The following NEK10 variants were observed in gnomAD, a reference collection of about 807,000 sequenced individuals.
NEK10 encodes the protein NIMA related kinase 10.
A neutral mutation model predicts 159.8 loss-of-function variants in NEK10; 122 were observed. The ratio of observed to expected loss-of-function variants is 0.76; its 90% CI spans 0.66 to 0.89. The LOEUF is 0.89. Ranked by LOEUF, NEK10 falls within the 40% of genes least tolerant of loss-of-function variation. NEK10 has a pLI of 0.00. For missense variants in NEK10, 1,342 were observed against 1,323.1 expected (o/e 1.01, Z -0.22); for synonymous variants, 466 against 457.1 (o/e 1.02, Z -0.25).
At chr3:27,354,721 C>T (rs2048210251) in intron 1 of NEK10, among the ~76,000 whole-genome samples, 1 of 152,206 alleles carries the variant, frequency 6.6e-6, no homozygotes, top group Non-Finnish European at 1.5e-5. Context: ...ATTAAGAAAG[C>T]ATTCCCAACA....
At chr3:27,352,126 A>G (rs1158182382) in intron 3 of NEK10, among the ~76,000 whole-genome samples, 1 of 152,152 alleles carries the variant, frequency 6.6e-6, no homozygotes, top group Non-Finnish European at 1.5e-5. Flanking sequence ...GTGCTTTGAA[A>G]ATAACAATTT....
At chr3:27,185,366 TA>T (rs201081752) in intron 26 of NEK10, among the ~76,000 whole-genome samples, 1,828 of 152,348 alleles carry the variant, frequency 0.012, 10 homozygotes, top group South Asian at 0.023. Context: ...CAAGATCAGA[TA>T]TTTTTTTTGG....
At chr3:27,316,985 G>A (rs753966247) in intron 6 of NEK10, among the ~76,000 whole-genome samples, 9 of 152,112 alleles carry the variant, frequency 5.9e-5, no homozygotes, top group Middle Eastern at 3.2e-3. Flanking sequence ...AGCACACTTC[G>A]TTTCCCAGGA....
At position 27,215,709 on chromosome 3, in the gene NEK10, G is replaced by A. The variant is rs1309971260; in HGVS notation, c.2091-13152C>T. Reference sequence around the variant, plus strand: ...TACCTGAGACTAGGTAATTTAGAAAGAAGAGAGGTTTAATTGGCTCACGGT... The same window carrying A: ...TACCTGAGACTAGGTAATTTAGAAAAAAGAGAGGTTTAATTGGCTCACGGT... On this transcript the variant is annotated intron_variant, in intron 23 of 35. Transcript: ENST00000691995. 7.2e-6 allele frequency: 5 copies of A among 689,728 alleles called. No homozygotes were observed. In the Admixed American group the frequency reaches 1.0e-4, roughly 14 times the overall value. The allele number at this position is 689,728 out of a possible 1,614,324, so 42.7% of individuals were successfully genotyped here. A position where few individuals can be genotyped will look rare whatever the true frequency, so the allele number is the denominator to read the frequency against.
chr3:27,226,500 T>A (rs1307943194), intron 23 of NEK10, among the ~76,000 whole-genome samples: 1 of 152,224 alleles, frequency 6.6e-6, no homozygotes, highest in Non-Finnish European at 1.5e-5. Flanking sequence ...TAACGGCTGC[T>A]GCAGAGGTCA....
chr3:27,365,103 C>T lies in NEK10; in HGVS notation c.-38+4122G>A, dbSNP rs146678712. 2.3e-3 allele frequency among the ~76,000 whole-genome samples: 354 copies of T among 152,250 alleles called. 4 individuals are homozygous for T. Among genetic ancestry groups the T allele is most frequent in the African/African-American group, 8.1e-3 (336 of 41,546 alleles). On this transcript the variant is annotated intron_variant, in intron 1 of 35. Transcript: ENST00000691995. Reference sequence around the variant, plus strand: ...TGGCATTTATCCAGCTCTCTATTCACCTAAGTGAATTTTCTAGATAAATAT... The same window carrying T: ...TGGCATTTATCCAGCTCTCTATTCATCTAAGTGAATTTTCTAGATAAATAT...
chr3:27,107,616 A>T lies in NEK10; in HGVS notation c.*3656T>A, dbSNP rs1408630697. ...ATGAAGAATTTTATATTTGGACAAA[A>T]TTTCACCCAAGGAGTCAATGTCAAT... is the stretch of plus-strand genomic sequence containing the variant. On this transcript the variant is annotated 3_prime_UTR_variant, in exon 36 of 36. Transcript: ENST00000691995. Among the ~76,000 whole-genome samples the T allele has an allele frequency of 6.6e-6, 1 of 152,126 alleles. No homozygotes were observed. Among genetic ancestry groups the T allele is most frequent in the African/African-American group, 2.4e-5 (1 of 41,422 alleles).
chr3:27,299,124 T>C (rs1211795978), intron 13 of NEK10, among the ~76,000 whole-genome samples: 1 of 152,196 alleles, frequency 6.6e-6, no homozygotes, highest in Non-Finnish European at 1.5e-5. Flanking sequence ...TCAGAGACCT[T>C]TGTGGCAGTC....
At chr3:27,145,403 TAA>T (rs1944203971) in intron 30 of NEK10, among the ~76,000 whole-genome samples, 1 of 152,210 alleles carries the variant, frequency 6.6e-6, no homozygotes, top group Non-Finnish European at 1.5e-5. Flanking sequence ...ATTAAAATAG[TAA>T]ATTTGGCTAG....
At position 27,301,831 on chromosome 3, in the gene NEK10, T is replaced by C; in HGVS notation, c.1033A>G (p.Arg345Gly). 2 of 1,551,428 alleles carry C rather than the reference T, an allele frequency of 1.3e-6. No individual in the cohort carries two copies. Among genetic ancestry groups the C allele is most frequent in the Non-Finnish European group, 1.7e-6 (2 of 1,146,620 alleles). ...KQLLHILQGD[R>G]NFVSDHSSIG... ...GAGGAGTGATCAGAAACAAAATTTCTGTCTCTGAAAAAGAAAAGTTAATGC... is the reference window on the plus strand; with the variant it reads ...GAGGAGTGATCAGAAACAAAATTTCCGTCTCTGAAAAAGAAAAGTTAATGC... Residue 345 changes from arginine (R) to glycine (G), a missense_variant, in exon 13 of 36, where the codon AGA (arginine) becomes GGA (glycine). Coordinates refer to ENST00000691995, the MANE Select transcript of NEK10 (RefSeq NM_001394966.1).
intron 23 of NEK10, among the ~76,000 whole-genome samples, chr3:27,235,278 A>G (rs1002133462): frequency 2.0e-5 from 3 of 152,202 alleles, no homozygotes; most frequent in Non-Finnish European, 2.9e-5. Flanking sequence ...ATCTAATTAA[A>G]CTAAAGAGCT....
chr3:27,109,908 T>C lies in NEK10; in HGVS notation c.*1364A>G, dbSNP rs1431097686. On this transcript the variant is annotated 3_prime_UTR_variant, in exon 36 of 36. Coordinates refer to ENST00000691995, the MANE Select transcript of NEK10 (RefSeq NM_001394966.1). ...AATCTTCAAAAGCATTAGTGCATGA[T>C]TAAAGGGAATTTGGATATAATTTAA... Among the ~76,000 whole-genome samples the C allele has an allele frequency of 2.0e-5, 3 of 152,170 alleles. No individual in the cohort carries two copies. The highest frequency in any genetic ancestry group is 6.5e-5 in the Admixed American group (1 of 15,270).
At chr3:27,255,613 A>C (rs1447798691) in intron 23 of NEK10, among the ~76,000 whole-genome samples, 1 of 152,188 alleles carries the variant, frequency 6.6e-6, no homozygotes, top group Admixed American at 6.5e-5. Flanking sequence ...TAATTTCAGC[A>C]GATTCAGACA....
At position 27,290,736 on chromosome 3, in the gene NEK10, G is replaced by C. The variant is rs1306049525; in HGVS notation, c.1624C>G (p.Gln542Glu). ...CVYKVRKHSGQNLLAMKEVNL... is the reference protein window; with the variant it reads ...CVYKVRKHSGENLLAMKEVNL... ...ACCTCTTTCATTGCTAAAAGATTTTGACCACTATGCTTTCTAACCTAAAAT... is the reference window on the plus strand; with the variant it reads ...ACCTCTTTCATTGCTAAAAGATTTTCACCACTATGCTTTCTAACCTAAAAT... Residue 542 changes from glutamine (Q) to glutamate (E), a missense_variant, in exon 19 of 36, where the codon CAA (glutamine) becomes GAA (glutamate). Gln to Glu is a conservative substitution (Grantham distance 29). Coordinates refer to ENST00000691995, the MANE Select transcript of NEK10 (RefSeq NM_001394966.1). 1.2e-6 allele frequency: 2 copies of C among 1,607,432 alleles called. No individual in the cohort carries two copies. Among genetic ancestry groups the C allele is most frequent in the Non-Finnish European group, 1.7e-6 (2 of 1,176,230 alleles).
chr3:27,256,387 C>A lies in NEK10; in HGVS notation c.2015-16G>T. ...CCAAAGTCAGCTACAATTCACAAAA[C>A]AACGCAATATGTTACTATATTTTCC... On this transcript the variant is annotated splice_polypyrimidine_tract_variant and intron_variant, in intron 22 of 35. Coordinates refer to ENST00000691995, the MANE Select transcript of NEK10 (RefSeq NM_001394966.1). 6.6e-7 allele frequency: 1 copy of A among 1,525,860 alleles called. No homozygotes were observed. The highest frequency in any genetic ancestry group is 8.9e-7 in the Non-Finnish European group (1 of 1,128,698). 94.5% of individuals were successfully genotyped at this position (1,525,860 alleles called of 1,614,324 possible).
intron 20 of NEK10, among the ~76,000 whole-genome samples, chr3:27,285,185 A>G (rs185528270): frequency 5.3e-5 from 8 of 152,306 alleles, no homozygotes; most frequent in Admixed American, 2.0e-4. Context: ...CTGGCTACAG[A>G]CAACCCCTTA....
At chr3:27,164,916 A>T (rs1162864503) in intron 29 of NEK10, among the ~76,000 whole-genome samples, 1 of 152,246 alleles carries the variant, frequency 6.6e-6, no homozygotes, top group Non-Finnish European at 1.5e-5. Context: ...ACATTTTTAC[A>T]TATTAACAAA....
chr3:27,340,443 G>T (rs370617140), intron 5 of NEK10, among the ~76,000 whole-genome samples: 5 of 152,088 alleles, frequency 3.3e-5, no homozygotes, highest in Admixed American at 3.3e-4. Flanking sequence ...GTGGATAGGT[G>T]CAGCAAACCA....
At chr3:27,317,567 T>C (rs1168469725) in intron 6 of NEK10, among the ~76,000 whole-genome samples, 1 of 152,186 alleles carries the variant, frequency 6.6e-6, no homozygotes, top group Non-Finnish European at 1.5e-5. Flanking sequence ...CTCAATAATA[T>C]AATACTGGTA....
Sources: gnomAD v4.1 joint callset for allele counts (sites outside exome capture counted in the v4.1 genomes callset) on GRCh38, gnomAD v4.1.1 for gene constraint, MANE v1.5 for transcripts, NCBI Gene and HGNC (gene_info 2026-07-23, HGNC 2026-07-21) for gene names.